CTU1: variants seen among roughly 807,000 people sequenced by gnomAD.
CTU1 encodes the protein cytoplasmic tRNA 2-thiolation protein 1.
Under a neutral mutation model 12.9 loss-of-function variants are expected in CTU1, and 15 were observed. The observed-to-expected ratio is 1.16, with a 90% CI of 0.78 to 1.79. The LOEUF (loss-of-function observed/expected upper bound fraction) is 1.79. Ranked by LOEUF, CTU1 falls within the 40% of genes most tolerant of loss-of-function variation. The probability of loss-of-function intolerance (pLI) is 0.00; values close to 1 mark genes in which losing one functional copy is unlikely to be tolerated. For missense variants in CTU1, 553 were observed against 550.5 expected (o/e 1.00, Z -0.05); for synonymous variants, 295 against 275.6 (o/e 1.07, Z -0.70).
chr19:51,105,408 A>G (rs150917712), intron 1 of CTU1, among the ~76,000 whole-genome samples: 412 of 151,520 alleles, frequency 2.7e-3, no homozygotes, highest in African/African-American at 9.5e-3. Flanking sequence ...TTCCTACTTC[A>G]TTCTTCCCCA....
intron 2 of CTU1, among the ~76,000 whole-genome samples, chr19:51,099,778 G>T (rs543721065): frequency 6.6e-6 from 1 of 152,162 alleles, no homozygotes; most frequent in Admixed American, 6.5e-5. Flanking sequence ...CACCGCCTAG[G>T]GAATCCATGG....
chr19:51,104,144 G>C lies in CTU1; in HGVS notation c.426C>G (p.Ser142=), dbSNP rs780749564. ...GCAGCACTCCACAGAAGGTGCAGCA[G>C]GAGCGGCTGCGGCCGGAGCCGGCTG... The part of the protein sequence containing the change: ...RSTAGSGRSR[S]CCTFCGVLRR... Residue 142 remains serine, a synonymous_variant, in exon 2 of 3, where the codon TCC becomes TCG. Transcript: ENST00000421832. 2.4e-5 allele frequency: 36 copies of C among 1,517,884 alleles called. No individual in the cohort carries two copies. Among genetic ancestry groups the C allele is most frequent in the Non-Finnish European group, 2.9e-5 (33 of 1,144,382 alleles). The allele number at this position is 1,517,884 out of a possible 1,614,324, so 94.0% of individuals were successfully genotyped here.
chr19:51,102,167 C>T (rs1217007348), intron 2 of CTU1, among the ~76,000 whole-genome samples: 1 of 152,174 alleles, frequency 6.6e-6, no homozygotes, highest in African/African-American at 2.4e-5. Context: ...CCACACTCAG[C>T]TAATTTTTGT....
chr19:51,100,028 G>T (rs1382363895), intron 2 of CTU1, among the ~76,000 whole-genome samples: 2 of 152,052 alleles, frequency 1.3e-5, no homozygotes, highest in Non-Finnish European at 2.9e-5. Flanking sequence ...GAGAGATGGG[G>T]AGGGGAAGCC....
Position 51,103,634 on chromosome 19 carries a change from A to T in CTU1, c.508+428T>A, listed in dbSNP as rs144525661. Among the ~76,000 whole-genome samples, 793 of 152,130 alleles carry T rather than the reference A, an allele frequency of 5.2e-3. 19 individuals carry two copies. The highest frequency in any genetic ancestry group is 0.042 in the Admixed American group (638 of 15,260). The stretch of plus-strand genomic sequence containing the variant: ...ATCAAAGAGGAGAGGCCAACCAAGA[A>T]AAGGAATTAAGAGATGGAGATGCTT... On this transcript the variant is annotated intron_variant, in intron 2 of 2. Transcript: ENST00000421832.
chr19:51,101,003 G>A (rs2091906172), intron 2 of CTU1, among the ~76,000 whole-genome samples: 1 of 151,624 alleles, frequency 6.6e-6, no homozygotes, highest in South Asian at 2.1e-4. Flanking sequence ...GGAGGACAGT[G>A]GCACGATCTC....
Position 51,098,730 on chromosome 19 carries a change from G to A in CTU1, c.918C>T (p.Asp306=), listed in dbSNP as rs1316541665. ...GGCGGGGCCGGCCGCGGTTCAGGCC[G>A]TCCAGGAGCGCGCAGGCCTGGCAGA... is the stretch of plus-strand genomic sequence containing the variant. ...RALCQACALL[D]GLNRGRPRLA... is the part of the protein sequence containing the mutation. The change falls in exon 3 of 3, where the codon GAC becomes GAT. Residue 306 remains aspartate (D), a synonymous_variant. Coordinates refer to ENST00000421832, the MANE Select transcript of CTU1 (RefSeq NM_145232.4). This position sits in a 1 kb window ranked among gnomAD's most constrained non-coding sequence, Gnocchi z 4.3. The A allele has an allele frequency of 2.2e-5, 27 of 1,230,236 alleles. No homozygotes were observed. In the South Asian group the frequency reaches 4.9e-4, roughly 22 times the overall value. The allele number at this position is 1,230,236 out of a possible 1,614,324, so 76.2% of individuals were successfully genotyped here. A position where few individuals can be genotyped will look rare whatever the true frequency, so the allele number is the denominator to read the frequency against.
intron 2 of CTU1, among the ~76,000 whole-genome samples, chr19:51,100,100 A>T (rs1284547295): frequency 6.6e-6 from 1 of 151,874 alleles, no homozygotes; most frequent in Non-Finnish European, 1.5e-5. Context: ...GGAGAGGGAG[A>T]TGGGGCCATG....
intron 2 of CTU1, among the ~76,000 whole-genome samples, chr19:51,100,929 TTGTGCGTGTGTGTG>T (rs1194411039): frequency 8.3e-6 from 1 of 120,808 alleles, no homozygotes; most frequent in Non-Finnish European, 1.8e-5. Context: ...TTTTGTTTTA[TTGTGCGTGTGTGTG>T]TGTGTGTGTG....
At position 51,104,343 on chromosome 19, in the gene CTU1, G is replaced by A. The variant is rs1457108245; in HGVS notation, c.227C>T (p.Pro76Leu). ...GAGCTGCAGTGAGATGCCCAGGCGC[G>A]GCGCCAGCGCGCGCAGCACGTGCGC... is the stretch of plus-strand genomic sequence containing the variant. Reference protein sequence around the residue: ...VLAHVLRALAPRLGISLQLVA... With the variant: ...VLAHVLRALALRLGISLQLVA... Residue 76 changes from proline to leucine, a missense_variant, in exon 2 of 3, where the codon CCG (proline) becomes CTG (leucine). Pro to Leu is a moderately conservative substitution (Grantham distance 98). Coordinates refer to ENST00000421832, the MANE Select transcript of CTU1 (RefSeq NM_145232.4). The A allele has an allele frequency of 6.8e-7, 1 of 1,463,594 alleles. No individual in the cohort carries two copies. The highest frequency in any genetic ancestry group is 1.5e-5 in the African/African-American group (1 of 66,756). 90.7% of individuals were successfully genotyped at this position (1,463,594 alleles called of 1,614,324 possible).
chr19:51,107,555 G>C (rs1599808954), intron 1 of CTU1, among the ~76,000 whole-genome samples: 2 of 152,214 alleles, frequency 1.3e-5, no homozygotes, highest in African/African-American at 4.8e-5. Context: ...CAGCACACTA[G>C]ACAGGAGTGC....
chr19:51,103,940 C>T, intron 2 of CTU1, 122 bp downstream of exon 2: 2 of 1,053,334 alleles, frequency 1.9e-6, no homozygotes, highest in South Asian at 4.3e-5. Flanking sequence ...ATTAAGCCAC[C>T]AGGGTCTCCT....
chr19:51,099,098 A>G lies in CTU1; in HGVS notation c.550T>C (p.Phe184Leu). ...DDMAETVLMNFLRGDAGRLAR... is the reference protein window; with the variant it reads ...DDMAETVLMNLLRGDAGRLAR... ...AGCCGCCCCGCGTCGCCCCGTAGGA[A>G]GTTCATGAGCACGGTCTCCGCCATG... The change falls in exon 3 of 3, where the codon TTC becomes CTC. Residue 184 changes from phenylalanine to leucine, a missense_variant. Physicochemically the swap from Phe to Leu is conservative, Grantham distance 22. Around this residue, in one of 2 missense-constraint regions of CTU1, gnomAD observed 500 missense variants for 458.5 expected, o/e 1.09. Coordinates refer to ENST00000421832, the MANE Select transcript of CTU1 (RefSeq NM_145232.4). The G allele has an allele frequency of 6.4e-7, 1 of 1,558,974 alleles. No homozygotes were observed. The highest frequency in any genetic ancestry group is 8.6e-7 in the Non-Finnish European group (1 of 1,161,906).
intron 1 of CTU1, among the ~76,000 whole-genome samples, chr19:51,106,863 C>T (rs1007817813): frequency 2.0e-5 from 3 of 152,092 alleles, no homozygotes; most frequent in Admixed American, 6.6e-5. Context: ...ATTCAGATGT[C>T]CCTCCTGGCT....
chr19:51,099,456 C>T (rs2091902056), intron 2 of CTU1, among the ~76,000 whole-genome samples: 1 of 152,084 alleles, frequency 6.6e-6, no homozygotes, highest in African/African-American at 2.4e-5. Flanking sequence ...AAGAGCGAGC[C>T]ATGGAGACCC....
rs1320198057 is a variant in CTU1 at position 51,098,595 on chromosome 19, A to G, written c.*6T>C. ...GCATCAGATCCCGGCGGGAGGCCCG[A>G]AGTCGCTAGAAGGTGGGGACGGCCT... is the stretch of plus-strand genomic sequence containing the variant. On this transcript the variant is annotated 3_prime_UTR_variant, in exon 3 of 3. Transcript: ENST00000421832. This position sits in a 1 kb window ranked among gnomAD's most constrained non-coding sequence, Gnocchi z 4.3. 1.6e-6 allele frequency: 2 copies of G among 1,277,330 alleles called. No individual in the cohort carries two copies. Among genetic ancestry groups the G allele is most frequent in the Non-Finnish European group, 2.0e-6 (2 of 1,009,348 alleles). 79.1% of individuals were successfully genotyped at this position (1,277,330 alleles called of 1,614,324 possible).
chr19:51,105,877 C>T (rs1210091369), intron 1 of CTU1, among the ~76,000 whole-genome samples: 4 of 152,190 alleles, frequency 2.6e-5, no homozygotes, highest in Non-Finnish European at 1.5e-5. Flanking sequence ...TTTTCAAACT[C>T]CAGGTACCTA....
At position 51,098,831 on chromosome 19, in the gene CTU1, G is replaced by A; in HGVS notation, c.817C>T (p.Leu273=). 8.7e-7 allele frequency: 1 copy of A among 1,143,110 alleles called. No homozygotes were observed. The highest frequency in any genetic ancestry group is 1.1e-6 in the Non-Finnish European group (1 of 928,080). The allele number at this position is 1,143,110 out of a possible 1,614,324, so 70.8% of individuals were successfully genotyped here. ...VLDLVHSAER[L]ALAPAARPPR... is the part of the protein sequence containing the mutation. ...GGCCGCGCGGCCGGGGCCAGCGCCAGGCGCTCGGCCGAGTGCACGAGGTCC... is the reference window on the plus strand; with the variant it reads ...GGCCGCGCGGCCGGGGCCAGCGCCAAGCGCTCGGCCGAGTGCACGAGGTCC... The change falls in exon 3 of 3, where the codon CTG becomes TTG. Residue 273 remains leucine, a synonymous_variant. Coordinates refer to ENST00000421832, the MANE Select transcript of CTU1 (RefSeq NM_145232.4). The surrounding 1 kb of genome is among the most constrained non-coding windows in gnomAD (Gnocchi z 4.3).
chr19:51,102,391 T>G (rs546582117), intron 2 of CTU1, among the ~76,000 whole-genome samples: 1 of 152,342 alleles, frequency 6.6e-6, no homozygotes, highest in East Asian at 1.9e-4. Flanking sequence ...TAGGGATTTC[T>G]CCAAAGTTAC....
Sources: gnomAD v4.1 joint callset for allele counts (sites outside exome capture counted in the v4.1 genomes callset) on GRCh38, gnomAD v4.1.1 for gene constraint, gnomAD v4.1.1 regional missense constraint, Gnocchi (gnomAD v3.1) non-coding constraint, MANE v1.5 for transcripts, NCBI Gene and HGNC (gene_info 2026-07-23, HGNC 2026-07-21) for gene names.